Variants in KPNA7 observed in about 807,000 individuals in gnomAD.
The protein encoded by KPNA7 is karyopherin subunit alpha 7.
Under a neutral mutation model 53.7 loss-of-function variants are expected in KPNA7, and 54 were observed. The observed-to-expected ratio is 1.01, with a 90% CI of 0.81 to 1.26. The LOEUF is 1.26. Ranked by LOEUF, KPNA7 falls within the 50% of genes most tolerant of loss-of-function variation. The pLI is 0.00. For missense variants in KPNA7, 640 were observed against 644.5 expected (o/e 0.99, Z 0.07); for synonymous variants, 276 against 259.3 (o/e 1.06, Z -0.62).
the KPNA7 span, among the ~76,000 whole-genome samples, chr7:99,147,379 A>T: frequency 6.6e-6 from 1 of 152,192 alleles, no homozygotes; most frequent in Non-Finnish European, 1.5e-5. Context: ...GGCATTATAG[A>T]TAGAAGGAAC....
chr7:99,187,797 TTTAAAAAAA>T lies in KPNA7; in HGVS notation c.900+494_900+502del, dbSNP rs1463499503. ...TGAGCCACCGTGCCCGGCCTTTTTT[TTTAAAAAAA>T]AAAAAAAAAAAAAAAAAAAAAAAAA... On this transcript the variant is annotated intron_variant, in intron 7 of 10. Coordinates refer to ENST00000327442, the MANE Select transcript of KPNA7 (RefSeq NM_001145715.3). 3.9e-3 allele frequency among the ~76,000 whole-genome samples: 313 copies of T among 79,958 alleles called. 13 individuals carry two copies. Among genetic ancestry groups the T allele is most frequent in the African/African-American group, 9.0e-3 (261 of 28,848 alleles). The allele number at this position is 79,958 out of a possible 152,430, so 52.5% of individuals were successfully genotyped here.
Position 99,173,746 on chromosome 7 carries a change from A to G in KPNA7, c.1513T>C (p.Tyr505His). ...TLLSQVIDQD[Y>H]EFIDYECLAK... is the part of the protein sequence containing the mutation. Reference sequence around the variant, plus strand: ...AAGCATTCATAATCTATAAATTCATAATCTTGGTCTATGACTTGGCTCAGT... The same window carrying G: ...AAGCATTCATAATCTATAAATTCATGATCTTGGTCTATGACTTGGCTCAGT... The change falls in exon 11 of 11, where the codon TAT becomes CAT. Residue 505 changes from tyrosine (Y) to histidine (H), a missense_variant. Tyr to His is a moderately conservative substitution (Grantham distance 83). Transcript: ENST00000327442. 6.4e-7 allele frequency: 1 copy of G among 1,551,746 alleles called. No homozygotes were observed. The highest frequency in any genetic ancestry group is 1.4e-5 in the African/African-American group (1 of 73,122).
At chr7:99,185,213 A>C (rs754814376) in intron 7 of KPNA7, 51 bp from the exon 8 acceptor site, 2 of 1,307,590 alleles carry the variant, frequency 1.5e-6, no homozygotes, top group Non-Finnish European at 1.1e-6. Context: ...TCCCAGGAGA[A>C]GGCAACAATC....
At position 99,196,131 on chromosome 7, in the gene KPNA7, C is replaced by CACACCTTTG; in HGVS notation, c.228_236dup (p.Lys77_Val79dup). ...AACATAGGACTGGATCTGAGCTATT[C>CACACCTTTG]ACACCTTTGATTATTTCACCCAGAG... On this transcript the variant is annotated inframe_insertion, in exon 4 of 11. Transcript: ENST00000327442. The CACACCTTTG allele has an allele frequency of 6.4e-7, 1 of 1,551,814 alleles. No individual in the cohort carries two copies. The highest frequency in any genetic ancestry group is 8.7e-7 in the Non-Finnish European group (1 of 1,146,990).
chr7:99,194,341 T>TTG (rs1563080439), intron 5 of KPNA7, among the ~76,000 whole-genome samples: 1 of 152,110 alleles, frequency 6.6e-6, no homozygotes, highest in African/African-American at 2.4e-5. Context: ...GGAGTTTTTT[T>TTG]TTGTTGTTGT....
intron 9 of KPNA7, among the ~76,000 whole-genome samples, chr7:99,179,306 C>T (rs1280217065): frequency 6.6e-6 from 1 of 151,996 alleles, no homozygotes; most frequent in African/African-American, 2.4e-5. Context: ...CCTGTAATCC[C>T]AGCACTTTGG....
In KPNA7 at chr7:99,180,640, T is replaced by TCC. The variant is rs1418637246; in HGVS notation, c.1317+1241_1317+1242dup. ...CCATCTCTCTCTCCCCGTCTCTCTC[T>TCC]CCGTCTCTGTCTCTCTCTCCCCATC... On this transcript the variant is annotated intron_variant, in intron 9 of 10. Coordinates refer to ENST00000327442, the MANE Select transcript of KPNA7 (RefSeq NM_001145715.3). Among the ~76,000 whole-genome samples, 3 of 148,188 alleles carry TCC rather than the reference T, an allele frequency of 2.0e-5. 1 individual carries two copies. Among genetic ancestry groups the TCC allele is most frequent in the Non-Finnish European group, 3.0e-5 (2 of 66,812 alleles).
chr7:99,202,456 AG>A (rs1790586968), intron 3 of KPNA7, among the ~76,000 whole-genome samples: 1 of 152,202 alleles, frequency 6.6e-6, no homozygotes, highest in Non-Finnish European at 1.5e-5. Flanking sequence ...TCACCCATCC[AG>A]GGACTAGATG....
chr7:99,194,602 T>C (rs1563080698), intron 5 of KPNA7, among the ~76,000 whole-genome samples: 1 of 152,126 alleles, frequency 6.6e-6, no homozygotes, highest in Non-Finnish European at 1.5e-5. Context: ...AAACTTGGAT[T>C]TGAGGGCTTT....
At chr7:99,146,109 C>T in the KPNA7 span, among the ~76,000 whole-genome samples, 2 of 152,170 alleles carry the variant, frequency 1.3e-5, no homozygotes, top group Non-Finnish European at 2.9e-5. Context: ...TATTTCCCCC[C>T]TATTCAAAGA....
the KPNA7 span, among the ~76,000 whole-genome samples, chr7:99,148,844 C>T: frequency 5.7e-4 from 1 of 1,742 alleles, no homozygotes; most frequent in Non-Finnish European, 1.4e-3. Context: ...CTTTAGCCTC[C>T]CAAAAGGGCT....
chr7:99,190,158 G>A (rs1299103963), intron 6 of KPNA7, among the ~76,000 whole-genome samples: 3 of 151,940 alleles, frequency 2.0e-5, no homozygotes, highest in Non-Finnish European at 4.4e-5. Context: ...CCAAGATGGT[G>A]AAACCCCGTC....
chr7:99,207,293 A>T (rs1790862797), intron 2 of KPNA7, 108 bp downstream of exon 2: 23 of 869,974 alleles, frequency 2.6e-5, no homozygotes, highest in Non-Finnish European at 4.3e-5. Flanking sequence ...TCAGCCTCTC[A>T]AAGTGTTGGG....
chr7:99,197,207 C>G (rs968368181), intron 3 of KPNA7, among the ~76,000 whole-genome samples: 1 of 152,122 alleles, frequency 6.6e-6, no homozygotes, highest in African/African-American at 2.4e-5. Flanking sequence ...TTCTTTTCTT[C>G]GTGGTTCGAA....
At position 99,173,722 on chromosome 7, in the gene KPNA7, A is replaced by G; in HGVS notation, c.1537T>C (p.Leu513=). The change falls in exon 11 of 11, where the codon TTA becomes CTA. Residue 513 remains leucine (L), a synonymous_variant. Transcript: ENST00000327442. ...QDYEFIDYEC[L]AKK is the part of the protein sequence containing the mutation. ...AGGGAGCTTGGCTATTTTTTTGCTA[A>G]GCATTCATAATCTATAAATTCATAA... 6.4e-7 allele frequency: 1 copy of G among 1,550,574 alleles called. No individual in the cohort carries two copies. The highest frequency in any genetic ancestry group is 8.7e-7 in the Non-Finnish European group (1 of 1,146,100).
chr7:99,202,533 T>C (rs1047355716), intron 3 of KPNA7, among the ~76,000 whole-genome samples: 1 of 152,072 alleles, frequency 6.6e-6, no homozygotes, highest in Non-Finnish European at 1.5e-5. Context: ...GGATAGCAAG[T>C]AAATTTTCAA....
the KPNA7 span, among the ~76,000 whole-genome samples, chr7:99,159,856 C>T: frequency 1.3e-3 from 195 of 152,002 alleles, no homozygotes; most frequent in Non-Finnish European, 2.0e-3. Context: ...TTAGTCAATA[C>T]GTCATTTAAG....
At chr7:99,179,566 T>C (rs990423879) in intron 9 of KPNA7, among the ~76,000 whole-genome samples, 1 of 150,554 alleles carries the variant, frequency 6.6e-6, no homozygotes, top group Non-Finnish European at 1.5e-5. Context: ...AAAATATATA[T>C]ATATATTTAT....
chr7:99,206,481 G>A (rs764296157), intron 2 of KPNA7, among the ~76,000 whole-genome samples: 3 of 151,510 alleles, frequency 2.0e-5, no homozygotes, highest in Non-Finnish European at 4.4e-5. Flanking sequence ...ATTTGGTTTT[G>A]TTTTAGAGAC....
Sources: allele counts gnomAD v4.1 joint callset (sites outside exome capture counted in the v4.1 genomes callset), GRCh38; gene constraint gnomAD v4.1.1; transcripts MANE v1.5; gene names NCBI Gene and HGNC (gene_info 2026-07-23, HGNC 2026-07-21).